NRCAM: variants seen among roughly 807,000 people sequenced by gnomAD.
NRCAM encodes neuronal cell adhesion molecule.
NRCAM carries 83 observed loss-of-function variants against 156.5 expected under a neutral mutation model. That is an observed-to-expected ratio of 0.53 (90% CI 0.44 to 0.64). NRCAM has a LOEUF of 0.64. Ranked by LOEUF, NRCAM falls within the 30% of genes least tolerant of loss-of-function variation. The probability of loss-of-function intolerance (pLI) is 0.00; values close to 1 mark genes in which losing one functional copy is unlikely to be tolerated. For synonymous variants in NRCAM, 538 were observed against 563.9 expected (o/e 0.95, Z 0.65); for missense variants, 1,417 against 1,597.3 (o/e 0.89, Z 1.92).
At chr7:108,390,520 C>A (rs1399085844) in intron 2 of NRCAM, among the ~76,000 whole-genome samples, 2 of 152,178 alleles carry the variant, frequency 1.3e-5, no homozygotes, top group African/African-American at 2.4e-5. Flanking sequence ...TTTTAAAAAA[C>A]CAGCTCCTGG....
intron 1 of NRCAM, among the ~76,000 whole-genome samples, chr7:108,399,907 G>C (rs903669502): frequency 2.0e-5 from 3 of 152,112 alleles, no homozygotes; most frequent in African/African-American, 4.8e-5. Flanking sequence ...AGAAAAAAAA[G>C]GCACTTGATC....
At chr7:108,335,431 C>A (rs1163919511) in intron 2 of NRCAM, among the ~76,000 whole-genome samples, 1 of 87,650 alleles carries the variant, frequency 1.1e-5, no homozygotes, top group South Asian at 5.6e-4. Context: ...TCTGTTCCAC[C>A]TGCTTTTTTT....
At chr7:108,347,586 A>C (rs1365003734) in intron 2 of NRCAM, among the ~76,000 whole-genome samples, 2 of 152,170 alleles carry the variant, frequency 1.3e-5, no homozygotes, top group South Asian at 2.1e-4. Flanking sequence ...TTTGATCCCC[A>C]AAAAAATCCT....
At chr7:108,190,024 ACT>A (rs1381207804) in intron 19 of NRCAM, among the ~76,000 whole-genome samples, 1 of 152,200 alleles carries the variant, frequency 6.6e-6, no homozygotes, top group African/African-American at 2.4e-5. Flanking sequence ...GTTCATCAGC[ACT>A]CTCAGCGTTT....
intron 11 of NRCAM, among the ~76,000 whole-genome samples, chr7:108,219,837 G>A (rs866651907): frequency 6.6e-6 from 1 of 152,086 alleles, no homozygotes; most frequent in East Asian, 1.9e-4. Flanking sequence ...CATAGTACTG[G>A]AAGTCCTAGC....
chr7:108,300,379 A>G (rs927633329), intron 3 of NRCAM, among the ~76,000 whole-genome samples: 5 of 152,022 alleles, frequency 3.3e-5, no homozygotes, highest in Admixed American at 2.6e-4. Flanking sequence ...TCTTTATGCA[A>G]TAAAATGTTA....
At chr7:108,331,851 T>C (rs1365949264) in intron 2 of NRCAM, among the ~76,000 whole-genome samples, 1 of 152,230 alleles carries the variant, frequency 6.6e-6, no homozygotes, top group Non-Finnish European at 1.5e-5. Context: ...TTTTCTGCAA[T>C]GTCTTTATAA....
chr7:108,387,201 C>G (rs961002566), intron 2 of NRCAM, among the ~76,000 whole-genome samples: 1 of 152,104 alleles, frequency 6.6e-6, no homozygotes, highest in Admixed American at 6.6e-5. Flanking sequence ...CTCCTCATTT[C>G]TTTAATCACT....
chr7:108,392,219 C>T (rs1277507785), intron 2 of NRCAM, among the ~76,000 whole-genome samples: 8 of 152,158 alleles, frequency 5.3e-5, no homozygotes, highest in African/African-American at 1.7e-4. Flanking sequence ...ACCAATCAGA[C>T]GTAGATTTGG....
intron 3 of NRCAM, among the ~76,000 whole-genome samples, chr7:108,255,422 C>T (rs1463175407): frequency 6.6e-6 from 1 of 152,222 alleles, no homozygotes; most frequent in Non-Finnish European, 1.5e-5. Flanking sequence ...CCCACCTGGG[C>T]CTCCCGAGGT....
intron 2 of NRCAM, among the ~76,000 whole-genome samples, chr7:108,363,154 C>T (rs1307604675): frequency 6.6e-6 from 1 of 152,038 alleles, no homozygotes; most frequent in Admixed American, 6.6e-5. Flanking sequence ...AATAAATATC[C>T]ATGAGTACAA....
chr7:108,317,764 T>C (rs1375959829), intron 2 of NRCAM, among the ~76,000 whole-genome samples: 1 of 151,500 alleles, frequency 6.6e-6, no homozygotes, highest in Non-Finnish European at 1.5e-5. Context: ...CAAAAATTAG[T>C]TGGACGTGGT....
At chr7:108,232,796 T>C (rs190831928) in intron 6 of NRCAM, among the ~76,000 whole-genome samples, 1 of 152,268 alleles carries the variant, frequency 6.6e-6, no homozygotes. Flanking sequence ...GTCATTTTTC[T>C]AAGAAAATAG....
intron 2 of NRCAM, among the ~76,000 whole-genome samples, chr7:108,372,579 C>T (rs1484522453): frequency 6.6e-6 from 1 of 151,800 alleles, no homozygotes; most frequent in Non-Finnish European, 1.5e-5. Flanking sequence ...AGAGAAATGG[C>T]CAATAGGTAT....
At position 108,191,709 on chromosome 7, in the gene NRCAM, AT is replaced by A. The variant is rs756472269; in HGVS notation, c.1903+19del. 10 of 1,571,890 alleles carry A rather than the reference AT, an allele frequency of 6.4e-6. No homozygotes were observed. The South Asian group carries it at 1.2e-4, about 19-fold the overall frequency. ...CAAATGCAGGGAAGCCAGTTGTGCTATTTTTGTTTTCGTTCTTACCAACAAC... is the reference window on the plus strand; with the variant it reads ...CAAATGCAGGGAAGCCAGTTGTGCTATTTTGTTTTCGTTCTTACCAACAAC... On this transcript the variant is annotated intron_variant, in intron 18 of 32. Coordinates refer to ENST00000379028, the MANE Select transcript of NRCAM (RefSeq NM_001037132.4).
At chr7:108,153,694 G>C (rs994254482) in intron 32 of NRCAM, among the ~76,000 whole-genome samples, 1 of 152,012 alleles carries the variant, frequency 6.6e-6, no homozygotes, top group Non-Finnish European at 1.5e-5. Flanking sequence ...AAATCCAGAA[G>C]AATCTACAGG....
At chr7:108,320,269 C>A (rs1186836408) in intron 2 of NRCAM, among the ~76,000 whole-genome samples, 1 of 151,860 alleles carries the variant, frequency 6.6e-6, no homozygotes, top group Non-Finnish European at 1.5e-5. Flanking sequence ...CTGGGCAACA[C>A]AGGGAGACCC....
intron 3 of NRCAM, among the ~76,000 whole-genome samples, chr7:108,309,544 C>A (rs1452149762): frequency 6.6e-6 from 1 of 152,118 alleles, no homozygotes; most frequent in African/African-American, 2.4e-5. Flanking sequence ...ATTTTGATAG[C>A]TGTCTTTACT....
chr7:108,191,641 A>G (rs2071625288), intron 18 of NRCAM, 88 bp downstream of exon 18: 1 of 1,424,178 alleles, frequency 7.0e-7, no homozygotes, highest in East Asian at 2.5e-5. Context: ...TAACAAGCAA[A>G]TATTTGATAT....
Sources: allele counts gnomAD v4.1 joint callset (sites outside exome capture counted in the v4.1 genomes callset), GRCh38; gene constraint gnomAD v4.1.1; transcripts MANE v1.5; gene names NCBI Gene and HGNC (gene_info 2026-07-23, HGNC 2026-07-21).